Variants in CHAT observed in about 807,000 individuals in gnomAD.
CHAT encodes the protein choline O-acetyltransferase.
In CHAT, 61 loss-of-function variants were observed where a neutral mutation model predicts 76.9. That is an observed-to-expected ratio of 0.79 (90% confidence interval 0.65 to 0.98). CHAT has a LOEUF of 0.98. Ranked by LOEUF, CHAT falls within the 50% of genes least tolerant of loss-of-function variation. The pLI is 0.00. For synonymous variants in CHAT, 407 were observed against 397.4 expected (o/e 1.02, Z -0.29); for missense variants, 946 against 986.9 (o/e 0.96, Z 0.56).
intron 11 of CHAT, among the ~76,000 whole-genome samples, chr10:49,654,663 G>C (rs1415548321): frequency 6.6e-6 from 1 of 152,194 alleles, no homozygotes; most frequent in African/African-American, 2.4e-5. Flanking sequence ...CACCACTAAG[G>C]CTCCTCCCTG....
At chr10:49,625,158 T>C (rs1838870689) in intron 5 of CHAT, among the ~76,000 whole-genome samples, 1 of 152,072 alleles carries the variant, frequency 6.6e-6, no homozygotes, top group Non-Finnish European at 1.5e-5. Flanking sequence ...ACAGTTGAGT[T>C]CTGGGGTTGG....
intron 4 of CHAT, among the ~76,000 whole-genome samples, 180 bp downstream of exon 4, chr10:49,620,793 C>G (rs1224437275): frequency 6.6e-6 from 1 of 152,214 alleles, no homozygotes; most frequent in Admixed American, 6.5e-5. Flanking sequence ...TGTGGCTGCA[C>G]TCGAGTGACA....
chr10:49,626,304 C>T (rs1838920073), intron 6 of CHAT, among the ~76,000 whole-genome samples: 1 of 152,216 alleles, frequency 6.6e-6, no homozygotes, highest in Non-Finnish European at 1.5e-5. Flanking sequence ...GGGCTCCTGA[C>T]CTCTTCCCTG....
chr10:49,614,600 C>T, intron 1 of CHAT, 125 bp downstream of exon 1: 3 of 870,878 alleles, frequency 3.4e-6, no homozygotes, highest in Non-Finnish European at 5.2e-6. Flanking sequence ...TCCTCTGAGT[C>T]CTGCGCAGCA....
chr10:49,665,067 C>T lies in CHAT; in HGVS notation c.*21C>T. Reference sequence around the variant, plus strand: ...CTTGACTCCTGCCACTAGGTTTCACCTCCCAAACCCAGCCTCTAGAACAGC... The same window carrying T: ...CTTGACTCCTGCCACTAGGTTTCACTTCCCAAACCCAGCCTCTAGAACAGC... On this transcript the variant is annotated 3_prime_UTR_variant, in exon 15 of 15. Transcript: ENST00000337653. 1.2e-6 allele frequency: 2 copies of T among 1,612,818 alleles called. No homozygotes were observed. The highest frequency in any genetic ancestry group is 1.1e-5 in the South Asian group (1 of 91,010).
chr10:49,662,522 C>A (rs1840223839), intron 13 of CHAT, 123 bp from the exon 14 acceptor site: 3 of 1,265,120 alleles, frequency 2.4e-6, no homozygotes, highest in Non-Finnish European at 3.4e-6. Context: ...TGGCAGCAGG[C>A]ACTGGGTAAG....
chr10:49,651,787 CTAGGACACA>C (rs1839887864), intron 10 of CHAT, 88 bp from the exon 11 acceptor site: 2 of 1,312,522 alleles, frequency 1.5e-6, no homozygotes, highest in Non-Finnish European at 2.1e-6. Flanking sequence ...TTCCAGAACG[CTAGGACACA>C]GACCAGGCTC....
upstream of CHAT, chr10:49,611,279 C>G (rs771402838): frequency 3.7e-6 from 6 of 1,610,666 alleles, no homozygotes; most frequent in Middle Eastern, 3.3e-4. Context: ...ACGCTGTTCG[C>G]GGCGCGCAGC....
chr10:49,632,694 C>G (rs919208805), intron 7 of CHAT, among the ~76,000 whole-genome samples: 1 of 152,194 alleles, frequency 6.6e-6, no homozygotes, highest in Non-Finnish European at 1.5e-5. Flanking sequence ...CACCCCGACC[C>G]TCCATTTTAT....
intron 7 of CHAT, among the ~76,000 whole-genome samples, chr10:49,628,277 A>C (rs545293084): frequency 1.3e-5 from 2 of 152,232 alleles, no homozygotes; most frequent in East Asian, 3.9e-4. Context: ...GTCTCCAAGC[A>C]TTCCCATAAG....
Position 49,662,532 on chromosome 10 carries a change from G to C in CHAT, c.1840-113G>C, listed in dbSNP as rs953501444. The C allele has an allele frequency of 2.9e-6, 4 of 1,375,842 alleles. No homozygotes were observed. The Admixed American group carries it at 5.1e-5, about 17-fold the overall frequency. The allele number at this position is 1,375,842 out of a possible 1,614,324, so 85.2% of individuals were successfully genotyped here. ...ATTGTTGGCAGCAGGCACTGGGTAAGCATGAGCCGTGGCTGCTGGAGTCAC... is the reference window on the plus strand; with the variant it reads ...ATTGTTGGCAGCAGGCACTGGGTAACCATGAGCCGTGGCTGCTGGAGTCAC... On this transcript the variant is annotated intron_variant, in intron 13 of 14. Coordinates refer to ENST00000337653, the MANE Select transcript of CHAT (RefSeq NM_020549.5).
At chr10:49,629,107 C>A (rs1261705052) in intron 7 of CHAT, among the ~76,000 whole-genome samples, 1 of 152,256 alleles carries the variant, frequency 6.6e-6, no homozygotes, top group African/African-American at 2.4e-5. Context: ...CTGAGGACAA[C>A]TTTGCATTTG....
chr10:49,651,839 A>G (rs1372577293), intron 10 of CHAT, 45 bp from the exon 11 acceptor site: 2 of 1,589,688 alleles, frequency 1.3e-6, no homozygotes, highest in Non-Finnish European at 1.7e-6. Flanking sequence ...ATGCATGCAT[A>G]CTGTTTTGCA....
intron 8 of CHAT, among the ~76,000 whole-genome samples, chr10:49,647,405 C>T (rs1006357202): frequency 6.6e-6 from 1 of 152,194 alleles, no homozygotes; most frequent in Non-Finnish European, 1.5e-5. Flanking sequence ...AAAGTCACTA[C>T]ACTTTTATAT....
upstream of CHAT, chr10:49,610,420 G>C (rs1275475033): frequency 3.3e-6 from 1 of 305,402 alleles, no homozygotes; most frequent in African/African-American, 2.2e-5. Context: ...TTAGCGCGGC[G>C]GGGGCTGCTC....
intron 7 of CHAT, among the ~76,000 whole-genome samples, chr10:49,644,933 G>A (rs371948784): frequency 3.3e-5 from 5 of 152,186 alleles, no homozygotes; most frequent in African/African-American, 4.8e-5. Flanking sequence ...AAGGCAAAAC[G>A]CAGGCGAGAG....
chr10:49,659,952 A>G (rs1264719164), intron 13 of CHAT, among the ~76,000 whole-genome samples: 2 of 152,246 alleles, frequency 1.3e-5, no homozygotes. Context: ...AGGGAAAACA[A>G]AAAATTCAAT....
At chr10:49,659,384 T>C (rs1010263903) in intron 13 of CHAT, among the ~76,000 whole-genome samples, 13 of 151,878 alleles carry the variant, frequency 8.6e-5, no homozygotes, top group Non-Finnish European at 1.5e-4. Context: ...GAGGAAATCA[T>C]AGGCTGAAAA....
At chr10:49,659,628 G>A (rs571963177) in intron 13 of CHAT, among the ~76,000 whole-genome samples, 18 of 152,294 alleles carry the variant, frequency 1.2e-4, no homozygotes, top group Admixed American at 7.8e-4. Context: ...TTGGGAGGCC[G>A]AGGTGGGTGG....
Sources: allele counts gnomAD v4.1 joint callset (sites outside exome capture counted in the v4.1 genomes callset), GRCh38; gene constraint gnomAD v4.1.1; transcripts MANE v1.5; gene names NCBI Gene and HGNC (gene_info 2026-07-23, HGNC 2026-07-21).